The following NBAS variants were observed in gnomAD, a reference collection of about 807,000 sequenced individuals.
The protein encoded by NBAS is NAG/BC035112 fusion.
A neutral mutation model predicts 302.5 loss-of-function variants in NBAS; 219 were observed. The ratio of observed to expected loss-of-function variants is 0.72; its 90% CI spans 0.65 to 0.81. The LOEUF is 0.81. Among genes scored for constraint, NBAS ranks in the 30% least tolerant of loss-of-function variants. The probability of loss-of-function intolerance (pLI) is 0.00; values close to 1 mark genes in which losing one functional copy is unlikely to be tolerated. For missense variants in NBAS, 2,932 were observed against 2,841.6 expected, an observed-to-expected ratio of 1.03 and a Z score of -0.72; for synonymous variants, 1,118 against 1,021.6, an observed-to-expected ratio of 1.09 and a Z score of -1.80.
chr2:15,390,638 T>C (rs543771039), intron 28 of NBAS, among the ~76,000 whole-genome samples: 68 of 152,150 alleles, frequency 4.5e-4, no homozygotes, highest in Non-Finnish European at 7.5e-4. Context: ...CTATGTGAGA[T>C]GATGAATGTT....
At chr2:15,445,925 C>A (rs189043411) in intron 21 of NBAS, among the ~76,000 whole-genome samples, 2 of 148,952 alleles carry the variant, frequency 1.3e-5, no homozygotes, top group Non-Finnish European at 3.0e-5. Context: ...AAAAAATACA[C>A]TGAAGGCATC....
the NBAS span, among the ~76,000 whole-genome samples, chr2:14,845,102 C>CCAGTGCT: frequency 6.6e-6 from 1 of 152,110 alleles, no homozygotes; most frequent in African/African-American, 2.4e-5. Context: ...TGAGTGAGAC[C>CCAGTGCT]CAGTGCTCTG....
chr2:15,002,760 C>T, the NBAS span, among the ~76,000 whole-genome samples: 228 of 152,352 alleles, frequency 1.5e-3, 4 homozygotes, highest in African/African-American at 5.3e-3. Context: ...AGTACACCCT[C>T]CGCAGCTGCT....
At chr2:15,387,876 C>T (rs1157866863) in intron 28 of NBAS, among the ~76,000 whole-genome samples, 3 of 152,186 alleles carry the variant, frequency 2.0e-5, no homozygotes, top group African/African-American at 4.8e-5. Context: ...TCAAAGCGGT[C>T]TGCCCGCCTC....
intron 44 of NBAS, among the ~76,000 whole-genome samples, chr2:15,259,914 A>G (rs1223345712): frequency 6.6e-6 from 1 of 151,230 alleles, no homozygotes; most frequent in East Asian, 2.0e-4. Context: ...GTTAGTACTT[A>G]AGAAAATCTG....
chr2:15,162,830 A>G (rs1663928277), downstream of NBAS, among the ~76,000 whole-genome samples: 1 of 152,208 alleles, frequency 6.6e-6, no homozygotes, highest in Non-Finnish European at 1.5e-5. Context: ...TTAAGAAGAA[A>G]TACTGAATTC....
chr2:14,858,316 A>AC, the NBAS span, among the ~76,000 whole-genome samples: 1 of 152,150 alleles, frequency 6.6e-6, no homozygotes, highest in African/African-American at 2.4e-5. Flanking sequence ...CTGGGTATAT[A>AC]CCCAAAAGAA....
intron 6 of NBAS, among the ~76,000 whole-genome samples, chr2:15,546,711 G>A (rs1664134716): frequency 6.6e-6 from 1 of 152,190 alleles, no homozygotes; most frequent in Non-Finnish European, 1.5e-5. Flanking sequence ...CTCAGTGACA[G>A]AGCCAGACTC....
intron 3 of NBAS, among the ~76,000 whole-genome samples, chr2:15,554,814 A>G (rs1217870284): frequency 6.6e-6 from 1 of 151,898 alleles, no homozygotes; most frequent in Non-Finnish European, 1.5e-5. Context: ...AAAATCTCCT[A>G]TGAAAAAGTA....
At chr2:15,529,281 C>T (rs1663102323) in intron 9 of NBAS, among the ~76,000 whole-genome samples, 3 of 152,078 alleles carry the variant, frequency 2.0e-5, no homozygotes, top group Admixed American at 6.6e-5. Flanking sequence ...AGGTAGATTG[C>T]TTGAGCTCAG....
the NBAS span, among the ~76,000 whole-genome samples, chr2:15,037,686 C>CT: frequency 6.6e-6 from 1 of 151,926 alleles, no homozygotes; most frequent in Non-Finnish European, 1.5e-5. Context: ...GAAAACAAGC[C>CT]TTTTTTATTT....
chr2:14,944,103 TC>T, the NBAS span, among the ~76,000 whole-genome samples: 8 of 152,162 alleles, frequency 5.3e-5, no homozygotes, highest in African/African-American at 1.7e-4. Context: ...ATCGAGACCA[TC>T]CTGGCTAACG....
At chr2:15,401,352 T>TA (rs1676143564) in intron 26 of NBAS, among the ~76,000 whole-genome samples, 1 of 149,428 alleles carries the variant, frequency 6.7e-6, no homozygotes, top group Non-Finnish European at 1.5e-5. Context: ...AAAGAAGAAA[T>TA]AAAAATGTCC....
the NBAS span, among the ~76,000 whole-genome samples, chr2:14,784,170 T>A: frequency 6.6e-6 from 1 of 152,184 alleles, no homozygotes; most frequent in Non-Finnish European, 1.5e-5. Flanking sequence ...ATGGGGTTGT[T>A]TTTTTCTTGT....
At chr2:15,185,296 G>A (rs1001972806) in intron 50 of NBAS, among the ~76,000 whole-genome samples, 2 of 152,188 alleles carry the variant, frequency 1.3e-5, no homozygotes, top group African/African-American at 2.4e-5. Flanking sequence ...GTTAGCAAAT[G>A]TTGGTTATCA....
chr2:15,096,348 A>C, the NBAS span, among the ~76,000 whole-genome samples: 1 of 152,312 alleles, frequency 6.6e-6, no homozygotes, highest in South Asian at 2.1e-4. Context: ...GCTGTGAGTC[A>C]GGGCCACAAC....
chr2:15,540,322 A>G (rs1572990382), intron 6 of NBAS, among the ~76,000 whole-genome samples: 1 of 152,064 alleles, frequency 6.6e-6, no homozygotes, highest in East Asian at 2.0e-4. Flanking sequence ...CCAGAGCCTT[A>G]CAATTGCCTC....
At chr2:15,264,224 G>A (rs943779060) in intron 44 of NBAS, among the ~76,000 whole-genome samples, 9 of 152,080 alleles carry the variant, frequency 5.9e-5, no homozygotes, top group South Asian at 2.1e-4. Context: ...TGCTTTTATC[G>A]TGTTAAAATA....
the NBAS span, among the ~76,000 whole-genome samples, chr2:15,116,209 G>C: frequency 6.6e-6 from 1 of 152,208 alleles, no homozygotes; most frequent in Admixed American, 6.5e-5. Flanking sequence ...ATTGACCCCA[G>C]CAAGAGTTCA....
Sources: allele counts gnomAD v4.1 joint callset (sites outside exome capture counted in the v4.1 genomes callset), GRCh38; gene constraint gnomAD v4.1.1; transcripts MANE v1.5; gene names NCBI Gene and HGNC (gene_info 2026-07-23, HGNC 2026-07-21).